NIBAN2: variants seen among roughly 807,000 people sequenced by gnomAD.
NIBAN2 encodes niban apoptosis regulator 2, also known as protein Niban 2.
NIBAN2 carries 36 observed loss-of-function variants against 81.8 expected under a neutral mutation model. That is an observed-to-expected ratio of 0.44 (90% confidence interval 0.34 to 0.58). The LOEUF (loss-of-function observed/expected upper bound fraction) is 0.58. Ranked by LOEUF, NIBAN2 falls within the 20% of genes least tolerant of loss-of-function variation. NIBAN2 has a pLI of 0.02. For missense variants in NIBAN2, 897 were observed against 1,014.1 expected (o/e 0.88, Z 1.57); for synonymous variants, 445 against 441.6 (o/e 1.01, Z -0.10).
At chr9:127,540,487 C>T (rs1418996238) in intron 1 of NIBAN2, among the ~76,000 whole-genome samples, 1 of 152,216 alleles carries the variant, frequency 6.6e-6, no homozygotes, top group Admixed American at 6.5e-5. Context: ...CACCATGTGC[C>T]GCTCCTGTGC....
chr9:127,528,163 G>A (rs898260837), intron 2 of NIBAN2, among the ~76,000 whole-genome samples: 89 of 152,284 alleles, frequency 5.8e-4, no homozygotes, highest in African/African-American at 2.0e-3. Context: ...CGTCTGTGAC[G>A]ACCTCCAATC....
rs531643731 is a variant in NIBAN2, at chr9:127,556,663, C to T, written c.55+12157G>A. Among the ~76,000 whole-genome samples, 26 of 152,338 alleles carry T rather than the reference C, an allele frequency of 1.7e-4. No individual in the cohort carries two copies. The East Asian group carries it at 4.4e-3, about 26-fold the overall frequency. ...ATGAAACTAAGGCATAAAGCCTGAC[C>T]TAGGGTACTTGTTCAGCTGCTGGTG... On this transcript the variant is annotated intron_variant, in intron 1 of 13. Coordinates refer to ENST00000373312, the MANE Select transcript of NIBAN2 (RefSeq NM_022833.4).
chr9:127,528,741 C>T lies in NIBAN2; in HGVS notation c.187-1419G>A, dbSNP rs2132184348. Among the ~76,000 whole-genome samples, 3 of 152,280 alleles carry T rather than the reference C, an allele frequency of 2.0e-5. 1 individual carries two copies. In the South Asian group the frequency reaches 6.2e-4, roughly 32 times the overall value. The stretch of plus-strand genomic sequence containing the variant: ...TTTGCCCAAGTCACAGAGCTGCCCT[C>T]AGCCGTCTATGTATAAACTGCCCAC... On this transcript the variant is annotated intron_variant, in intron 2 of 13. Transcript: ENST00000373312.
intron 8 of NIBAN2, among the ~76,000 whole-genome samples, chr9:127,513,638 G>A (rs996727617): frequency 6.6e-6 from 1 of 152,218 alleles, no homozygotes; most frequent in African/African-American, 2.4e-5. Context: ...CCATGGCAAC[G>A]TCAGGAAGTC....
rs145404828 is a variant in NIBAN2 at position 127,534,187 on chromosome 9, C to T, written c.56-2409G>A. ...TGCACTGAGAGGCTGCATTCGATGA[C>T]GGACAGGCCCTGCCATCTCTGACAG... On this transcript the variant is annotated intron_variant, in intron 1 of 13. Transcript: ENST00000373312. Among the ~76,000 whole-genome samples the T allele has an allele frequency of 5.3e-5, 8 of 152,356 alleles. No individual in the cohort carries two copies. In the South Asian group the frequency reaches 1.7e-3, roughly 32 times the overall value.
intron 8 of NIBAN2, among the ~76,000 whole-genome samples, chr9:127,516,615 G>A (rs1836834511): frequency 6.6e-6 from 1 of 152,208 alleles, no homozygotes; most frequent in South Asian, 2.1e-4. Context: ...TGACGAGTCA[G>A]AGATGAAAAG....
chr9:127,543,157 C>G (rs1837412143), intron 1 of NIBAN2, among the ~76,000 whole-genome samples: 1 of 152,238 alleles, frequency 6.6e-6, no homozygotes. Context: ...AGTGCGAGAT[C>G]ATTCTCGACT....
intron 1 of NIBAN2, among the ~76,000 whole-genome samples, chr9:127,554,800 C>T (rs954493919): frequency 3.3e-5 from 5 of 151,848 alleles, no homozygotes; most frequent in African/African-American, 1.2e-4. Context: ...AACTCCTGAC[C>T]TCAGGTGATC....
At position 127,545,464 on chromosome 9, in the gene NIBAN2, C is replaced by A. The variant is rs970299831; in HGVS notation, c.56-13686G>T. On this transcript the variant is annotated intron_variant, in intron 1 of 13. Coordinates refer to ENST00000373312, the MANE Select transcript of NIBAN2 (RefSeq NM_022833.4). The surrounding 1 kb of genome is among the most constrained non-coding windows in gnomAD (Gnocchi z 4.7). Reference sequence around the variant, plus strand: ...GCCGAACAAGTGTTAGGTCACCCAGCCTCAGGCGCCAAACAGGTCACCAGG... The same window carrying A: ...GCCGAACAAGTGTTAGGTCACCCAGACTCAGGCGCCAAACAGGTCACCAGG... Among the ~76,000 whole-genome samples the A allele has an allele frequency of 6.6e-6, 1 of 152,224 alleles. No homozygotes were observed. The highest frequency in any genetic ancestry group is 1.5e-5 in the Non-Finnish European group (1 of 68,046).
intron 1 of NIBAN2, among the ~76,000 whole-genome samples, chr9:127,560,836 A>G (rs1004815364): frequency 6.6e-6 from 1 of 152,208 alleles, no homozygotes; most frequent in Non-Finnish European, 1.5e-5. Flanking sequence ...ATTTCTACAT[A>G]GAAGCCACCA....
chr9:127,563,373 C>A lies in NIBAN2; in HGVS notation c.55+5447G>T, dbSNP rs1837806096. On this transcript the variant is annotated intron_variant, in intron 1 of 13. Transcript: ENST00000373312. This position sits in a 1 kb window ranked among gnomAD's most constrained non-coding sequence, Gnocchi z 4.1. ...CCTTGGCTAAGGGCAGCGGCCCAGG[C>A]CCAGGCACTGCTTCCGGCCAGCCTG... Among the ~76,000 whole-genome samples the A allele has an allele frequency of 6.6e-6, 1 of 152,380 alleles. No homozygotes were observed. Among genetic ancestry groups the A allele is most frequent in the African/African-American group, 2.4e-5 (1 of 41,594 alleles).
rs377128721 is a variant in NIBAN2, at chr9:127,510,281, G to A, written c.1026C>T (p.Tyr342=). 25 of 1,614,014 alleles carry A rather than the reference G, an allele frequency of 1.5e-5. No homozygotes were observed. The highest frequency in any genetic ancestry group is 2.2e-5 in the East Asian group (1 of 44,886). ...TCAGGGCCTCCAGGATGGATGGGAT[G>A]TAGGGCTGGACATGGTTCCGCACGC... The part of the protein sequence containing the change: ...EVCVRNHVQP[Y]IPSILEALMV... The change falls in exon 9 of 14, where the codon TAC becomes TAT. Residue 342 remains tyrosine (Y), a synonymous_variant. Coordinates refer to ENST00000373312, the MANE Select transcript of NIBAN2 (RefSeq NM_022833.4).
chr9:127,522,487 G>A lies in NIBAN2; in HGVS notation c.589+1192C>T, dbSNP rs556267190. ...TCCCTAGGGGCAGAAAGACCCCCAG[G>A]GACCCACCCTCACCTTGGAAGACCA... On this transcript the variant is annotated intron_variant, in intron 5 of 13. Coordinates refer to ENST00000373312, the MANE Select transcript of NIBAN2 (RefSeq NM_022833.4). Among the ~76,000 whole-genome samples, 7 of 152,150 alleles carry A rather than the reference G, an allele frequency of 4.6e-5. No homozygotes were observed. The East Asian group carries it at 9.7e-4, about 21-fold the overall frequency.
At chr9:127,532,191 T>A (rs758409599) in intron 1 of NIBAN2, among the ~76,000 whole-genome samples, 1 of 152,106 alleles carries the variant, frequency 6.6e-6, no homozygotes, top group African/African-American at 2.4e-5. Flanking sequence ...TCTACCCCCA[T>A]AGAACGATTC....
intron 1 of NIBAN2, among the ~76,000 whole-genome samples, chr9:127,567,858 C>A (rs1040531708): frequency 5.9e-5 from 9 of 152,150 alleles, no homozygotes; most frequent in Non-Finnish European, 8.8e-5. Context: ...AAATCACTGA[C>A]CCCATTTCAA....
In NIBAN2 at chr9:127,505,641, G is replaced by T. The variant is rs10386; in HGVS notation, c.*1204C>A. ...GGGGACCCAAAAGGAGTCCATTTCT[G>T]CCCTGCCCCCCGCAAAGCAGCAGGG... is the stretch of plus-strand genomic sequence containing the variant. On this transcript the variant is annotated 3_prime_UTR_variant, in exon 14 of 14. Transcript: ENST00000373312. 3,433 of 152,406 alleles carry T rather than the reference G, an allele frequency of 0.023. 143 individuals are homozygous for T. Among genetic ancestry groups the T allele is most frequent in the African/African-American group, 0.077 (3,212 of 41,528 alleles). 9.4% of individuals were successfully genotyped at this position (152,406 alleles called of 1,614,324 possible).
In NIBAN2 at chr9:127,516,826, GGGCCCGTCGAGCAC is replaced by G. The variant is rs776624518; in HGVS notation, c.973+17_973+30del. 44 of 1,595,694 alleles carry G rather than the reference GGGCCCGTCGAGCAC, an allele frequency of 2.8e-5. No individual in the cohort carries two copies. The highest frequency in any genetic ancestry group is 6.8e-5 in the Admixed American group (4 of 59,106). On this transcript the variant is annotated intron_variant, in intron 8 of 13. Coordinates refer to ENST00000373312, the MANE Select transcript of NIBAN2 (RefSeq NM_022833.4). ...AAGAAAGTCCACCTTGGCCCCTGGA[GGGCCCGTCGAGCAC>G]GGGGGTGGCTGCCTACCTCGGATCT...
chr9:127,521,076 G>C (rs993400341), intron 5 of NIBAN2, among the ~76,000 whole-genome samples: 1 of 152,120 alleles, frequency 6.6e-6, no homozygotes, highest in African/African-American at 2.4e-5. Flanking sequence ...CCAGCTGGGA[G>C]AGAACATATT....
intron 1 of NIBAN2, among the ~76,000 whole-genome samples, chr9:127,533,241 G>A (rs1441976166): frequency 6.6e-6 from 1 of 151,868 alleles, no homozygotes; most frequent in African/African-American, 2.4e-5. Flanking sequence ...CAGATCACAA[G>A]GTCAGGAGAT....
Sources: gnomAD v4.1 joint callset for allele counts (sites outside exome capture counted in the v4.1 genomes callset) on GRCh38, gnomAD v4.1.1 for gene constraint, Gnocchi (gnomAD v3.1) non-coding constraint, MANE v1.5 for transcripts, NCBI Gene and HGNC (gene_info 2026-07-23, HGNC 2026-07-21) for gene names.